The following ATR variants were observed in gnomAD, a reference collection of about 807,000 sequenced individuals.
ATR encodes serine/threonine-protein kinase ATR.
In ATR, 142 loss-of-function variants were observed where a neutral mutation model predicts 305.3. The observed-to-expected ratio is 0.47, with a 90% confidence interval of 0.41 to 0.53. ATR has a LOEUF of 0.53. Ranked by LOEUF, ATR falls within the 20% of genes least tolerant of loss-of-function variation. The pLI is 0.00. For missense variants in ATR, 2,135 were observed against 3,133.1 expected (o/e 0.68, Z 7.60); for synonymous variants, 1,050 against 1,068.1 (o/e 0.98, Z 0.33).
At chr3:142,488,746 G>A (rs1030028553) in intron 35 of ATR, among the ~76,000 whole-genome samples, 2 of 152,178 alleles carry the variant, frequency 1.3e-5, no homozygotes, top group South Asian at 4.1e-4. Context: ...AGGTGACAGA[G>A]AAGCTTCTTG....
intron 17 of ATR, among the ~76,000 whole-genome samples, chr3:142,541,510 T>C (rs1036125529): frequency 3.3e-5 from 5 of 152,128 alleles, no homozygotes; most frequent in African/African-American, 1.2e-4. Flanking sequence ...ATTCAAGATG[T>C]CCTGAATTTA....
In ATR at chr3:142,570,524, T is replaced by C. The variant is rs546715809; in HGVS notation, c.60-2370A>G. On this transcript the variant is annotated intron_variant, in intron 1 of 46. Transcript: ENST00000350721. ...GCCTCAGCCTCCTGAGTAGCTGCGA[T>C]TACAAGCATGTACCACCACGCCTGG... 5.1e-4 allele frequency among the ~76,000 whole-genome samples: 77 copies of C among 152,300 alleles called. 1 individual carries two copies. The Middle Eastern group carries it at 0.01, about 20-fold the overall frequency.
At chr3:142,484,379 G>A (rs1164939514) in intron 36 of ATR, among the ~76,000 whole-genome samples, 1 of 152,128 alleles carries the variant, frequency 6.6e-6, no homozygotes, top group Non-Finnish European at 1.5e-5. Flanking sequence ...AGAGTTTGGA[G>A]AGCTTCCAGA....
intron 36 of ATR, among the ~76,000 whole-genome samples, chr3:142,483,489 T>C (rs1368031268): frequency 6.6e-6 from 1 of 152,168 alleles, no homozygotes; most frequent in Admixed American, 6.5e-5. Context: ...CATGTATATA[T>C]ATTATACCAC....
At chr3:142,496,880 G>T in intron 33 of ATR, 133 bp downstream of exon 33, 1 of 1,046,414 alleles carries the variant, frequency 9.6e-7, no homozygotes, top group Non-Finnish European at 1.4e-6. Context: ...CAACCAGATA[G>T]TGTAGCCCTG....
In ATR at chr3:142,505,304, C is replaced by A; in HGVS notation, c.5032-1G>T. On this transcript the variant is annotated splice_acceptor_variant, in intron 28 of 46. Transcript: ENST00000350721. LOFTEE classifies it high-confidence loss of function. ...GTTCATGCATAGCAGCATACAATTTCTTTGTTCAATGATTAAAAAACAATC... is the reference window on the plus strand; with the variant it reads ...GTTCATGCATAGCAGCATACAATTTATTTGTTCAATGATTAAAAAACAATC... 1 of 1,613,414 alleles carries A rather than the reference C, an allele frequency of 6.2e-7. No homozygotes were observed. Among genetic ancestry groups the A allele is most frequent in the Non-Finnish European group, 8.5e-7 (1 of 1,179,722 alleles).
Position 142,530,840 on chromosome 3 carries a change from T to C in ATR, c.3945+4240A>G, listed in dbSNP as rs1003385032. ...AACGTTGGGCATACTTTCAAGTACC[T>C]TCCCTGTAGCCAGTAGTCTGACATA... On this transcript the variant is annotated intron_variant, in intron 21 of 46. Coordinates refer to ENST00000350721, the MANE Select transcript of ATR (RefSeq NM_001184.4). 3.9e-5 allele frequency among the ~76,000 whole-genome samples: 6 copies of C among 152,192 alleles called. No homozygotes were observed. The East Asian group carries it at 9.6e-4, about 24-fold the overall frequency.
intron 35 of ATR, among the ~76,000 whole-genome samples, chr3:142,486,160 G>A (rs2030912012): frequency 6.6e-6 from 1 of 152,078 alleles, no homozygotes; most frequent in African/African-American, 2.4e-5. Flanking sequence ...AAATACACAG[G>A]ATCACTGACA....
At chr3:142,464,252 A>G (rs2071080900) in intron 41 of ATR, among the ~76,000 whole-genome samples, 1 of 152,102 alleles carries the variant, frequency 6.6e-6, no homozygotes, top group Non-Finnish European at 1.5e-5. Context: ...CAGCCTCCTT[A>G]GTAGCTGGGA....
intron 21 of ATR, among the ~76,000 whole-genome samples, chr3:142,529,081 C>T (rs987511320): frequency 5.3e-5 from 8 of 150,912 alleles, no homozygotes; most frequent in Non-Finnish European, 1.2e-4. Context: ...AGCGTTTCAC[C>T]ATGTTGGTCA....
At chr3:142,569,812 A>T (rs1050176398) in intron 1 of ATR, among the ~76,000 whole-genome samples, 3 of 151,196 alleles carry the variant, frequency 2.0e-5, no homozygotes, top group African/African-American at 7.3e-5. Context: ...ATGCCTGGCT[A>T]ATTTTTTGTA....
intron 1 of ATR, among the ~76,000 whole-genome samples, chr3:142,576,821 A>T (rs1483243039): frequency 1.3e-5 from 2 of 152,238 alleles, no homozygotes; most frequent in Admixed American, 1.3e-4. Context: ...TGCAGAGCAG[A>T]CTGCTAATAG....
intron 45 of ATR, 34 bp downstream of exon 45, chr3:142,457,570 A>T (rs369795894): frequency 1.2e-6 from 2 of 1,611,746 alleles, no homozygotes; most frequent in African/African-American, 2.7e-5. Flanking sequence ...ATTCGAGGTT[A>T]CTGTTAAATT....
intron 33 of ATR, 68 bp downstream of exon 33, chr3:142,496,945 C>A (rs1577572361): frequency 6.6e-7 from 1 of 1,505,658 alleles, no homozygotes; most frequent in Non-Finnish European, 9.1e-7. Flanking sequence ...AATACAAACA[C>A]CCCCAAATAA....
chr3:142,503,587 T>C, intron 29 of ATR, 134 bp from the exon 30 acceptor site: 1 of 412,504 alleles, frequency 2.4e-6, no homozygotes, highest in Non-Finnish European at 4.1e-6. Context: ...TTATTATTAT[T>C]TTAATTTTTT....
At chr3:142,475,725 G>A (rs576935510) in intron 36 of ATR, among the ~76,000 whole-genome samples, 9 of 152,304 alleles carry the variant, frequency 5.9e-5, no homozygotes, top group African/African-American at 1.4e-4. Flanking sequence ...CAGTGTAAAC[G>A]TGTTCCTATT....
At position 142,523,973 on chromosome 3, in the gene ATR, T is replaced by G; in HGVS notation, c.4152+20A>C. 1 of 1,606,536 alleles carries G rather than the reference T, an allele frequency of 6.2e-7. No individual in the cohort carries two copies. On this transcript the variant is annotated intron_variant, in intron 22 of 46. Transcript: ENST00000350721. ...ATAGGACAGAGAACTCTTTTGTCAT[T>G]CCAAATTTCCACTACTTACCACAAA...
At chr3:142,515,307 G>T in intron 25 of ATR, 88 bp downstream of exon 25, 1 of 1,517,260 alleles carries the variant, frequency 6.6e-7, no homozygotes, top group South Asian at 1.2e-5. Flanking sequence ...ATACTTCAAT[G>T]ATTATTGTGT....
intron 30 of ATR, among the ~76,000 whole-genome samples, chr3:142,500,638 A>G (rs1043024563): frequency 3.9e-5 from 6 of 152,212 alleles, no homozygotes; most frequent in African/African-American, 1.4e-4. Flanking sequence ...AAAAACACAT[A>G]AAGAAAAGAC....
Sources: allele counts gnomAD v4.1 joint callset (sites outside exome capture counted in the v4.1 genomes callset), GRCh38; gene constraint gnomAD v4.1.1; transcripts MANE v1.5; gene names NCBI Gene and HGNC (gene_info 2026-07-23, HGNC 2026-07-21).